The following RBFOX1 variants were observed in gnomAD, a reference collection of about 807,000 sequenced individuals.
RBFOX1 encodes the protein RNA binding protein fox-1 homolog 1.
Under a neutral mutation model 57.7 loss-of-function variants are expected in RBFOX1, and 8 were observed. That is an observed-to-expected ratio of 0.14 (90% CI 0.08 to 0.25). RBFOX1 has a LOEUF of 0.25. Ranked by LOEUF, RBFOX1 falls within the 10% of genes least tolerant of loss-of-function variation. RBFOX1 has a pLI of 1.00. For synonymous variants in RBFOX1, 326 were observed against 222.4 expected (o/e 1.47, Z -4.15); for missense variants, 611 against 548.5 (o/e 1.11, Z -1.14).
rs34954782 is a variant in RBFOX1 at position 5,331,590 on chromosome 16, A to G, written c.219+91485A>G. ...GCCTTTGCAGACATCATACTTATTGACGGTACATTGGCCAAAGCCAGTCAC... is the reference window on the plus strand; with the variant it reads ...GCCTTTGCAGACATCATACTTATTGGCGGTACATTGGCCAAAGCCAGTCAC... On this transcript the variant is annotated intron_variant, in intron 1 of 2. Coordinates refer to the RBFOX1 transcript ENST00000585867. Among the ~76,000 whole-genome samples the G allele has an allele frequency of 7.5e-3, 1,137 of 152,348 alleles. 14 individuals carry two copies. The highest frequency in any genetic ancestry group is 0.025 in the African/African-American group (1,027 of 41,582).
intron 3 of RBFOX1, among the ~76,000 whole-genome samples, chr16:6,981,119 T>A (rs1265846522): frequency 6.6e-6 from 1 of 151,558 alleles, no homozygotes; most frequent in Admixed American, 6.6e-5. Context: ...AACTCTTTTT[T>A]TATTTTTTTA....
intron 2 of RBFOX1, among the ~76,000 whole-genome samples, chr16:5,529,445 G>A (rs2044373888): frequency 6.7e-6 from 1 of 149,414 alleles, no homozygotes; most frequent in African/African-American, 2.5e-5. Context: ...TGCTCAGGCT[G>A]GAGTGCAGTG....
At chr16:6,846,306 C>T (rs1384316332) in intron 3 of RBFOX1, among the ~76,000 whole-genome samples, 1 of 152,114 alleles carries the variant, frequency 6.6e-6, no homozygotes, top group African/African-American at 2.4e-5. Context: ...GAAACATGGA[C>T]ACATCACAGA....
intron 1 of RBFOX1, among the ~76,000 whole-genome samples, chr16:6,082,070 G>C (rs186601617): frequency 6.6e-6 from 1 of 151,930 alleles, no homozygotes; most frequent in Non-Finnish European, 1.5e-5. Flanking sequence ...TGGTGTCTGT[G>C]TCTGTATAAT....
At chr16:5,419,242 T>C (rs2067244370) in intron 1 of RBFOX1, among the ~76,000 whole-genome samples, 1 of 151,998 alleles carries the variant, frequency 6.6e-6, no homozygotes, top group Non-Finnish European at 1.5e-5. Context: ...CGATCACAAG[T>C]TGAAGTGGTA....
chr16:6,603,550 C>T (rs1310002702), intron 2 of RBFOX1, among the ~76,000 whole-genome samples: 1 of 152,180 alleles, frequency 6.6e-6, no homozygotes, highest in African/African-American at 2.4e-5. Context: ...CTTAGCCCCA[C>T]TCCACACTCC....
intron 3 of RBFOX1, among the ~76,000 whole-genome samples, chr16:5,851,571 C>A (rs2056898367): frequency 6.6e-6 from 1 of 152,150 alleles, no homozygotes; most frequent in Non-Finnish European, 1.5e-5. Context: ...GCAGGCCCAG[C>A]CCAGCTGAAG....
intron 4 of RBFOX1, among the ~76,000 whole-genome samples, chr16:7,403,913 T>A (rs895721440): frequency 1.1e-4 from 17 of 149,572 alleles, no homozygotes; most frequent in Non-Finnish European, 2.4e-4. Context: ...TATTATTCTT[T>A]TATATATATA....
At chr16:5,755,429 G>C (rs940117451) in intron 3 of RBFOX1, among the ~76,000 whole-genome samples, 2 of 152,134 alleles carry the variant, frequency 1.3e-5, no homozygotes, top group African/African-American at 4.8e-5. Flanking sequence ...CCATTTTATT[G>C]GTTCACACTG....
At chr16:7,567,504 T>G (rs145814557) in intron 5 of RBFOX1, among the ~76,000 whole-genome samples, 1 of 49,328 alleles carries the variant, frequency 2.0e-5, no homozygotes, top group African/African-American at 5.4e-5. Flanking sequence ...TATATCCCTA[T>G]GTATGGCCCT....
Position 5,810,443 on chromosome 16 carries a change from T to G in RBFOX1, c.319-56860T>G, listed in dbSNP as rs549966274. 6.8e-4 allele frequency among the ~76,000 whole-genome samples: 103 copies of G among 152,280 alleles called. 1 individual carries two copies. Among genetic ancestry groups the G allele is most frequent in the African/African-American group, 2.2e-3 (93 of 41,566 alleles). Reference sequence around the variant, plus strand: ...ACTTTTAGTCCAGAATTGTGGAAAATTAATTTTTGTTGCATAAGCACCCAG... The same window carrying G: ...ACTTTTAGTCCAGAATTGTGGAAAAGTAATTTTTGTTGCATAAGCACCCAG... On this transcript the variant is annotated intron_variant, in intron 3 of 19. Transcript: ENST00000641259.
intron 3 of RBFOX1, among the ~76,000 whole-genome samples, chr16:6,699,573 T>A (rs1020941032): frequency 2.0e-5 from 3 of 152,196 alleles, no homozygotes; most frequent in African/African-American, 4.8e-5. Flanking sequence ...GCGAGTGATA[T>A]GTCATAACAG....
chr16:7,222,917 C>T lies in RBFOX1; in HGVS notation c.27+170819C>T, dbSNP rs551856253. ...AGTTCACTCACTACATTTTGCTCAACCAGTCCTCTCATTTGCAGCGATTTT... is the reference window on the plus strand; with the variant it reads ...AGTTCACTCACTACATTTTGCTCAATCAGTCCTCTCATTTGCAGCGATTTT... On this transcript the variant is annotated intron_variant, in intron 4 of 15. Transcript: ENST00000550418. Among the ~76,000 whole-genome samples the T allele has an allele frequency of 9.5e-4, 145 of 152,226 alleles. 1 individual carries two copies. Among genetic ancestry groups the T allele is most frequent in the South Asian group, 2.1e-3 (10 of 4,818 alleles).
At chr16:6,286,087 C>T (rs138116111) in intron 1 of RBFOX1, among the ~76,000 whole-genome samples, 1 of 152,176 alleles carries the variant, frequency 6.6e-6, no homozygotes, top group East Asian at 1.9e-4. Context: ...TCACGTATGG[C>T]CCTCTTTCCA....
At chr16:6,844,265 T>C (rs933394580) in intron 3 of RBFOX1, among the ~76,000 whole-genome samples, 1 of 152,100 alleles carries the variant, frequency 6.6e-6, no homozygotes, top group Non-Finnish European at 1.5e-5. Flanking sequence ...GGTAAATAGG[T>C]ACCATGGCAG....
chr16:7,173,355 C>G (rs1306697889), intron 4 of RBFOX1, among the ~76,000 whole-genome samples: 11 of 152,192 alleles, frequency 7.2e-5, no homozygotes, highest in East Asian at 1.9e-4. Context: ...AGATGTCCTT[C>G]CAAACTCCAT....
rs529387307 is a variant in RBFOX1 at position 5,358,060 on chromosome 16, A to C, written c.220-109156A>C. 3.9e-5 allele frequency among the ~76,000 whole-genome samples: 6 copies of C among 152,298 alleles called. No homozygotes were observed. In the South Asian group the frequency reaches 1.0e-3, roughly 26 times the overall value. On this transcript the variant is annotated intron_variant, in intron 1 of 2. Coordinates refer to the RBFOX1 transcript ENST00000585867. ...CATTGTTCAGGAGGCTTAGACTCCGAGACCAAGATGTCGGCAGTATGGCTT... is the reference window on the plus strand; with the variant it reads ...CATTGTTCAGGAGGCTTAGACTCCGCGACCAAGATGTCGGCAGTATGGCTT...
intron 3 of RBFOX1, among the ~76,000 whole-genome samples, chr16:6,755,294 G>A (rs144059493): frequency 2.0e-5 from 3 of 152,100 alleles, no homozygotes; most frequent in Non-Finnish European, 4.4e-5. Context: ...TTCCACAATG[G>A]TTGAACTAGT....
At chr16:6,913,137 C>G (rs2072141798) in intron 3 of RBFOX1, among the ~76,000 whole-genome samples, 1 of 151,468 alleles carries the variant, frequency 6.6e-6, no homozygotes, top group Middle Eastern at 3.4e-3. Flanking sequence ...CTGAAGAAGA[C>G]ACGTTTTTTT....
Sources: allele counts gnomAD v4.1 joint callset (sites outside exome capture counted in the v4.1 genomes callset), GRCh38; gene constraint gnomAD v4.1.1; transcripts MANE v1.5; gene names NCBI Gene and HGNC (gene_info 2026-07-23, HGNC 2026-07-21).